Variants in TM9SF2 observed in about 807,000 individuals in gnomAD.
The protein encoded by TM9SF2 is 76 kDa membrane protein.
In TM9SF2, 13 loss-of-function variants were observed where a neutral mutation model predicts 84.9. That is an observed-to-expected ratio of 0.15 (90% CI 0.10 to 0.24). TM9SF2 has a LOEUF of 0.24. Among genes scored for constraint, TM9SF2 ranks in the 10% least tolerant of loss-of-function variants. The probability of loss-of-function intolerance (pLI) is 1.00; values close to 1 mark genes in which losing one functional copy is unlikely to be tolerated. For missense variants in TM9SF2, 562 were observed against 818.5 expected (o/e 0.69, Z 3.82); for synonymous variants, 273 against 285.8 (o/e 0.96, Z 0.45).
rs1249124399 is a variant in TM9SF2 at position 99,562,919 on chromosome 13, A to G, written c.*161A>G. On this transcript the variant is annotated 3_prime_UTR_variant, in exon 17 of 17. Coordinates refer to ENST00000376387, the MANE Select transcript of TM9SF2 (RefSeq NM_004800.3). ...ACCTCTTCCCATACACCTTTCCCCC[A>G]TAAGATGTGTCTTCAACACTATAAA... 2 of 591,726 alleles carry G rather than the reference A, an allele frequency of 3.4e-6. No individual in the cohort carries two copies. Among genetic ancestry groups the G allele is most frequent in the Admixed American group, 3.3e-5 (1 of 30,174 alleles). The allele number at this position is 591,726 out of a possible 1,614,324, so 36.7% of individuals were successfully genotyped here.
chr13:99,552,038 C>A, intron 12 of TM9SF2, 129 bp from the exon 13 acceptor site: 1 of 897,352 alleles, frequency 1.1e-6, no homozygotes, highest in Non-Finnish European at 1.6e-6. Context: ...ATTCAGACAT[C>A]CTGTGATGCA....
In TM9SF2 at chr13:99,554,306, C is replaced by T. The variant is rs770607881; in HGVS notation, c.1491C>T (p.Ala497=). 10 of 1,608,730 alleles carry T rather than the reference C, an allele frequency of 6.2e-6. No individual in the cohort carries two copies. The highest frequency in any genetic ancestry group is 8.5e-6 in the Non-Finnish European group (10 of 1,177,792). ...CTTCCTTCCTTTTTTTACTGAAGGC[C>T]ATTGAACACCCAGTTCGAACCAATC... ...IGAYFGFKKN[A]IEHPVRTNQI... Residue 497 remains alanine (A), a splice_region_variant and synonymous_variant, in exon 14 of 17, where the codon GCC becomes GCT. Coordinates refer to ENST00000376387, the MANE Select transcript of TM9SF2 (RefSeq NM_004800.3).
At chr13:99,510,878 A>G (rs1296124390) in intron 1 of TM9SF2, among the ~76,000 whole-genome samples, 2 of 152,230 alleles carry the variant, frequency 1.3e-5, no homozygotes, top group Non-Finnish European at 2.9e-5. Context: ...AATGTCTAGT[A>G]TAGGACTTTG....
In TM9SF2 at chr13:99,520,032, C is replaced by G; in HGVS notation, c.240-4C>G. 1.9e-6 allele frequency: 3 copies of G among 1,611,592 alleles called. No homozygotes were observed. Among genetic ancestry groups the G allele is most frequent in the Non-Finnish European group, 2.5e-6 (3 of 1,179,244 alleles). On this transcript the variant is annotated splice_polypyrimidine_tract_variant and splice_region_variant and intron_variant, in intron 2 of 16. Transcript: ENST00000376387. ...GTGTAAAAATTTAAATATTCTTCTCCCAGGTTTGATTTTTGCCAAGCATCA... is the reference window on the plus strand; with the variant it reads ...GTGTAAAAATTTAAATATTCTTCTCGCAGGTTTGATTTTTGCCAAGCATCA...
chr13:99,543,920 C>G lies in TM9SF2; in HGVS notation c.1075C>G (p.Pro359Ala). The G allele has an allele frequency of 6.2e-7, 1 of 1,614,134 alleles. No homozygotes were observed. The part of the protein sequence containing the change: ...KLVHGDIFRP[P>A]RKGMLLSVFL... ...TGTTCATGGTGATATATTCCGTCCTCCAAGAAAAGGGATGCTGCTATCAGT... is the reference window on the plus strand; with the variant it reads ...TGTTCATGGTGATATATTCCGTCCTGCAAGAAAAGGGATGCTGCTATCAGT... Residue 359 changes from proline to alanine, a missense_variant, in exon 10 of 17, where the codon CCA becomes GCA. Physicochemically the swap from Pro to Ala is conservative, Grantham distance 27. Around this residue, in one of 4 missense-constraint regions of TM9SF2, gnomAD observed 219 missense variants for 338.1 expected, o/e 0.65. Transcript: ENST00000376387.
chr13:99,532,453 G>A (rs140611663), intron 4 of TM9SF2, among the ~76,000 whole-genome samples: 3,887 of 152,054 alleles, frequency 0.026, 168 homozygotes, highest in African/African-American at 0.087. Flanking sequence ...ATTTTGGGAG[G>A]CCAAGGCAGG....
chr13:99,516,981 ACAG>A (rs2139076638), intron 1 of TM9SF2, among the ~76,000 whole-genome samples: 1 of 152,344 alleles, frequency 6.6e-6, no homozygotes. Flanking sequence ...ATTTTTAAAA[ACAG>A]CATCTATATT....
At chr13:99,505,968 AT>A (rs897833074) in intron 1 of TM9SF2, among the ~76,000 whole-genome samples, 6 of 152,120 alleles carry the variant, frequency 3.9e-5, no homozygotes, top group African/African-American at 1.2e-4. Flanking sequence ...AAAGATTAAG[AT>A]TTTTTTTCCT....
chr13:99,527,512 C>T (rs1400845873), intron 3 of TM9SF2, among the ~76,000 whole-genome samples: 2 of 152,124 alleles, frequency 1.3e-5, no homozygotes, highest in East Asian at 3.9e-4. Flanking sequence ...GGGTACCGCC[C>T]CCCATGATCT....
chr13:99,531,275 CAT>C (rs1269800991), intron 4 of TM9SF2, among the ~76,000 whole-genome samples: 3 of 152,132 alleles, frequency 2.0e-5, no homozygotes, highest in Non-Finnish European at 2.9e-5. Flanking sequence ...TCATAGTTTA[CAT>C]ATGTTTTGCC....
intron 15 of TM9SF2, among the ~76,000 whole-genome samples, chr13:99,558,312 A>G (rs142624793): frequency 1.6e-4 from 24 of 152,342 alleles, no homozygotes; most frequent in African/African-American, 5.1e-4. Flanking sequence ...GCCCCTTGCA[A>G]TTCCATTTGA....
At chr13:99,502,000 T>C (rs550694796) in intron 1 of TM9SF2, among the ~76,000 whole-genome samples, 1 of 152,340 alleles carries the variant, frequency 6.6e-6, no homozygotes, top group Non-Finnish European at 1.5e-5. Context: ...CAGACTCGCC[T>C]CCCGTCTTGC....
chr13:99,532,413 G>A (rs1246734215), intron 4 of TM9SF2, among the ~76,000 whole-genome samples: 1 of 152,062 alleles, frequency 6.6e-6, no homozygotes, highest in Non-Finnish European at 1.5e-5. Flanking sequence ...TAGTCAGCCC[G>A]GCACCGTGGC....
At chr13:99,548,273 C>T (rs1237903764) in intron 11 of TM9SF2, among the ~76,000 whole-genome samples, 2 of 152,144 alleles carry the variant, frequency 1.3e-5, no homozygotes, top group Non-Finnish European at 1.5e-5. Context: ...TCCTGTATTA[C>T]TTGAATTTTG....
At chr13:99,553,357 G>A (rs781253009) in intron 13 of TM9SF2, among the ~76,000 whole-genome samples, 6 of 152,170 alleles carry the variant, frequency 3.9e-5, no homozygotes, top group Non-Finnish European at 8.8e-5. Context: ...AACTTCTTCG[G>A]CATTTTGTTT....
chr13:99,513,369 C>T (rs969109596), intron 1 of TM9SF2, among the ~76,000 whole-genome samples: 1 of 152,144 alleles, frequency 6.6e-6, no homozygotes, highest in African/African-American at 2.4e-5. Context: ...GGAGAGAGTG[C>T]AGAAAATGAG....
rs528883795 is a variant in TM9SF2 at position 99,558,031 on chromosome 13, T to C, written c.1753-1332T>C. ...TGTGATGTAGTGTCCAGCTACATTATTTGACGTGTGGATATCCAGTTATCC... is the reference window on the plus strand; with the variant it reads ...TGTGATGTAGTGTCCAGCTACATTACTTGACGTGTGGATATCCAGTTATCC... On this transcript the variant is annotated intron_variant, in intron 15 of 16. Transcript: ENST00000376387. Among the ~76,000 whole-genome samples, 3 of 152,386 alleles carry C rather than the reference T, an allele frequency of 2.0e-5. No homozygotes were observed. The East Asian group carries it at 5.8e-4, about 29-fold the overall frequency.
chr13:99,549,228 T>C lies in TM9SF2; in HGVS notation c.1328+6T>C. On this transcript the variant is annotated splice_donor_region_variant and intron_variant, in intron 12 of 16. Coordinates refer to ENST00000376387, the MANE Select transcript of TM9SF2 (RefSeq NM_004800.3). The stretch of plus-strand genomic sequence containing the variant: ...ACATCATTTCTTTGTCCTGGGTAAG[T>C]GAATTTTTCAAGAATTACTTTCTTA... 5.0e-6 allele frequency: 8 copies of C among 1,611,918 alleles called. No homozygotes were observed. The highest frequency in any genetic ancestry group is 6.8e-6 in the Non-Finnish European group (8 of 1,178,538).
intron 11 of TM9SF2, among the ~76,000 whole-genome samples, chr13:99,547,329 T>A (rs909204888): frequency 2.6e-5 from 4 of 152,256 alleles, no homozygotes; most frequent in African/African-American, 9.6e-5. Flanking sequence ...TTGTGCCACT[T>A]ATCCACTATC....
Sources: gnomAD v4.1 joint callset for allele counts (sites outside exome capture counted in the v4.1 genomes callset) on GRCh38, gnomAD v4.1.1 for gene constraint, gnomAD v4.1.1 regional missense constraint, MANE v1.5 for transcripts, NCBI Gene and HGNC (gene_info 2026-07-23, HGNC 2026-07-21) for gene names.